Variants in ATP8A2 observed in about 807,000 individuals in gnomAD.
ATP8A2 encodes the protein ATPase phospholipid transporting 8A2.
Under a neutral mutation model 165.6 loss-of-function variants are expected in ATP8A2, and 100 were observed. That is an observed-to-expected ratio of 0.60 (90% CI 0.51 to 0.71). The LOEUF (loss-of-function observed/expected upper bound fraction) is 0.71, where lower values mean the gene tolerates loss of function less well. Ranked by LOEUF, ATP8A2 falls within the 30% of genes least tolerant of loss-of-function variation. The pLI is 0.00. For synonymous variants in ATP8A2, 543 were observed against 548.8 expected (o/e 0.99, Z 0.15); for missense variants, 1,227 against 1,479.5 (o/e 0.83, Z 2.80).
chr13:25,762,268 C>CAAAAA (rs59081934), intron 25 of ATP8A2, among the ~76,000 whole-genome samples: 476 of 41,290 alleles, frequency 0.012, 133 homozygotes, highest in East Asian at 0.036. Context: ...GACTCTGTCT[C>CAAAAA]AAAAAAAAAA....
chr13:25,674,075 C>T (rs1171702889), intron 24 of ATP8A2, among the ~76,000 whole-genome samples: 5 of 152,148 alleles, frequency 3.3e-5, no homozygotes, highest in Middle Eastern at 3.2e-3. Context: ...ACGGAGACTT[C>T]GGGAAGGTCT....
At chr13:25,776,971 G>A (rs1175775484) in intron 27 of ATP8A2, among the ~76,000 whole-genome samples, 1 of 147,416 alleles carries the variant, frequency 6.8e-6, no homozygotes, top group African/African-American at 2.5e-5. Flanking sequence ...TCTTGCTGGT[G>A]TTTTTTTTTT....
rs146638173 is a variant in ATP8A2, at chr13:25,453,284, G to A, written c.77-15693G>A. On this transcript the variant is annotated intron_variant, in intron 1 of 36. Coordinates refer to ENST00000381655, the MANE Select transcript of ATP8A2 (RefSeq NM_016529.6). ...TGGGATTACAGGCGCCTGCCACCAC[G>A]CCCAGCTAATTTTTGTATTTTTAGT... Among the ~76,000 whole-genome samples the A allele has an allele frequency of 8.3e-3, 1,264 of 151,454 alleles. 14 individuals carry two copies. The highest frequency in any genetic ancestry group is 0.028 in the African/African-American group (1,143 of 41,300).
intron 33 of ATP8A2, among the ~76,000 whole-genome samples, chr13:25,934,848 TTTGAAGAAA>T (rs2139083116): frequency 6.6e-6 from 1 of 152,244 alleles, no homozygotes; most frequent in South Asian, 2.1e-4. Context: ...ACGTTGAGGA[TTTGAAGAAA>T]TTCATACAGT....
At chr13:25,482,155 AC>A (rs781384275) in intron 2 of ATP8A2, among the ~76,000 whole-genome samples, 9 of 151,950 alleles carry the variant, frequency 5.9e-5, no homozygotes, top group Non-Finnish European at 1.0e-4. Flanking sequence ...ATCTTCCCAA[AC>A]CCCACTTGGA....
At chr13:25,743,659 C>A (rs780817489) in intron 25 of ATP8A2, among the ~76,000 whole-genome samples, 16 of 152,160 alleles carry the variant, frequency 1.1e-4, no homozygotes, top group Non-Finnish European at 2.4e-4. Flanking sequence ...CAGGAAACGC[C>A]TGAAGGAATT....
chr13:25,805,383 G>C (rs189883784), intron 27 of ATP8A2, among the ~76,000 whole-genome samples: 63 of 152,130 alleles, frequency 4.1e-4, no homozygotes, highest in Non-Finnish European at 6.8e-4. Context: ...AGGCATGGTG[G>C]TGCACACCTG....
intron 25 of ATP8A2, among the ~76,000 whole-genome samples, chr13:25,715,837 G>T (rs888050985): frequency 6.6e-6 from 1 of 152,078 alleles, no homozygotes; most frequent in African/African-American, 2.4e-5. Flanking sequence ...AATTGCTGGG[G>T]TATATGGTCA....
chr13:25,559,257 G>A (rs755003496), intron 14 of ATP8A2, among the ~76,000 whole-genome samples, 196 bp downstream of exon 14: 4 of 152,164 alleles, frequency 2.6e-5, no homozygotes, highest in Admixed American at 6.5e-5. Flanking sequence ...TTCTGACTGG[G>A]TGCAGTGGCT....
intron 27 of ATP8A2, among the ~76,000 whole-genome samples, chr13:25,791,058 T>C (rs1341677782): frequency 1.3e-5 from 2 of 152,068 alleles, no homozygotes; most frequent in Non-Finnish European, 2.9e-5. Flanking sequence ...GGAATATAAA[T>C]CATTCTGTTA....
chr13:25,999,843 T>C (rs1352932935), intron 35 of ATP8A2, among the ~76,000 whole-genome samples: 2 of 152,194 alleles, frequency 1.3e-5, no homozygotes, highest in African/African-American at 4.8e-5. Flanking sequence ...GAATGGAATT[T>C]CTGGAGGGCT....
intron 2 of ATP8A2, among the ~76,000 whole-genome samples, chr13:25,505,205 G>GA (rs1555284668): frequency 4.2e-5 from 6 of 141,252 alleles, no homozygotes; most frequent in Non-Finnish European, 7.6e-5. Flanking sequence ...GGCGGGGCGG[G>GA]GGGGGGTGGT....
intron 1 of ATP8A2, among the ~76,000 whole-genome samples, chr13:25,407,868 T>C (rs1365064081): frequency 6.6e-6 from 1 of 152,032 alleles, no homozygotes; most frequent in Admixed American, 6.6e-5. Flanking sequence ...TGGCATCACA[T>C]CAGTTCTGTG....
chr13:25,795,839 C>G (rs1445954382), intron 27 of ATP8A2, among the ~76,000 whole-genome samples: 1 of 152,006 alleles, frequency 6.6e-6, no homozygotes, highest in Non-Finnish European at 1.5e-5. Flanking sequence ...TTAATTAGTC[C>G]TTAGAGAGAA....
chr13:25,830,561 AG>A (rs879552189), intron 28 of ATP8A2, among the ~76,000 whole-genome samples: 7 of 152,140 alleles, frequency 4.6e-5, no homozygotes, highest in African/African-American at 1.4e-4. Context: ...CTCATACTGG[AG>A]GGGCCAAACC....
At chr13:26,012,415 G>C (rs1956867900) in intron 35 of ATP8A2, 116 bp from the exon 36 acceptor site, 1 of 792,952 alleles carries the variant, frequency 1.3e-6, no homozygotes, top group Admixed American at 2.7e-5. Flanking sequence ...GAAGCACCAC[G>C]CCTTACCCGA....
chr13:25,407,371 G>A (rs1271185262), intron 1 of ATP8A2, among the ~76,000 whole-genome samples: 1 of 152,094 alleles, frequency 6.6e-6, no homozygotes, highest in Non-Finnish European at 1.5e-5. Context: ...ACTAGTAAAA[G>A]TTAAAACCCA....
intron 7 of ATP8A2, 92 bp downstream of exon 7, chr13:25,538,153 C>A: frequency 2.5e-6 from 2 of 801,736 alleles, no homozygotes; most frequent in South Asian, 1.7e-5. Context: ...GCAGCCTGTT[C>A]CCTTCTACCA....
chr13:25,450,372 T>C (rs925440234), intron 1 of ATP8A2, among the ~76,000 whole-genome samples: 3 of 152,200 alleles, frequency 2.0e-5, no homozygotes, highest in East Asian at 1.9e-4. Flanking sequence ...GGTATTTTTC[T>C]GTCTTTAGAT....
Sources: allele counts gnomAD v4.1 joint callset (sites outside exome capture counted in the v4.1 genomes callset), GRCh38; gene constraint gnomAD v4.1.1; transcripts MANE v1.5; gene names NCBI Gene and HGNC (gene_info 2026-07-23, HGNC 2026-07-21).